The following PPARGC1A variants were observed in gnomAD, a reference collection of about 807,000 sequenced individuals.
PPARGC1A encodes the protein PPARG coactivator 1 alpha.
In PPARGC1A, 25 loss-of-function variants were observed where a neutral mutation model predicts 88.7. The observed-to-expected ratio is 0.28, with a 90% CI of 0.21 to 0.39. PPARGC1A has a LOEUF of 0.39. Ranked by LOEUF, PPARGC1A falls within the 10% of genes least tolerant of loss-of-function variation. The pLI is 1.00. For synonymous variants in PPARGC1A, 363 were observed against 355.6 expected (o/e 1.02, Z -0.24); for missense variants, 880 against 968.7 (o/e 0.91, Z 1.22).
At chr4:23,913,261 TATATATAGAGAGAG>T in the PPARGC1A span, among the ~76,000 whole-genome samples, 389 of 54,570 alleles carry the variant, frequency 7.1e-3, 2 homozygotes, top group African/African-American at 0.018. Flanking sequence ...TATATATATA[TATATATAGAGAGAG>T]AGAGAGAGAG....
chr4:24,186,902 C>T, the PPARGC1A span, among the ~76,000 whole-genome samples: 7 of 152,308 alleles, frequency 4.6e-5, no homozygotes, highest in South Asian at 4.1e-4. Context: ...TGCTTCTGCA[C>T]GTGCAGTCAG....
the PPARGC1A span, among the ~76,000 whole-genome samples, chr4:24,085,625 T>G: frequency 3.9e-5 from 6 of 152,206 alleles, no homozygotes; most frequent in Non-Finnish European, 7.3e-5. Context: ...TCTAATAATC[T>G]TGGGAGACCT....
At chr4:24,090,445 T>C in the PPARGC1A span, among the ~76,000 whole-genome samples, 1 of 152,232 alleles carries the variant, frequency 6.6e-6, no homozygotes, top group Non-Finnish European at 1.5e-5. Flanking sequence ...AAAATTTCTG[T>C]TGAAGAAGAA....
the PPARGC1A span, among the ~76,000 whole-genome samples, chr4:24,428,124 C>CA: frequency 0.35 from 47,501 of 136,654 alleles, 7,948 homozygotes; most frequent in African/African-American, 0.43. Context: ...ACCCTGTCTC[C>CA]AAAAAAAAAA....
At chr4:23,935,473 TGA>T in the PPARGC1A span, among the ~76,000 whole-genome samples, 1 of 152,332 alleles carries the variant, frequency 6.6e-6, no homozygotes, top group Admixed American at 6.5e-5. Context: ...ATCATCATAA[TGA>T]TAATGTTAGT....
intron 2 of PPARGC1A, among the ~76,000 whole-genome samples, chr4:23,869,406 G>A (rs896293732): frequency 1.3e-5 from 2 of 152,090 alleles, no homozygotes; most frequent in African/African-American, 2.4e-5. Context: ...GTTGTGGCCC[G>A]ACCAAGGCTC....
chr4:24,054,265 G>GTC, the PPARGC1A span, among the ~76,000 whole-genome samples: 2 of 149,564 alleles, frequency 1.3e-5, no homozygotes, highest in East Asian at 4.0e-4. Flanking sequence ...GAGAGGTGGT[G>GTC]TCTGGGAGGA....
At chr4:23,999,762 G>T in the PPARGC1A span, among the ~76,000 whole-genome samples, 1 of 152,100 alleles carries the variant, frequency 6.6e-6, no homozygotes, top group Non-Finnish European at 1.5e-5. Context: ...CTCCTTGCAC[G>T]GGAAAGAAAA....
chr4:24,167,631 C>A, the PPARGC1A span, among the ~76,000 whole-genome samples: 1 of 152,202 alleles, frequency 6.6e-6, no homozygotes, highest in Non-Finnish European at 1.5e-5. Flanking sequence ...TCAGCAACCA[C>A]CCTGATCAGT....
At chr4:24,421,272 A>T in the PPARGC1A span, among the ~76,000 whole-genome samples, 3 of 150,716 alleles carry the variant, frequency 2.0e-5, no homozygotes, top group African/African-American at 2.4e-5. Flanking sequence ...TCAAAACATT[A>T]TTTATTGTTT....
the PPARGC1A span, among the ~76,000 whole-genome samples, chr4:24,162,168 G>A: frequency 6.6e-6 from 1 of 152,118 alleles, no homozygotes; most frequent in African/African-American, 2.4e-5. Flanking sequence ...AAGCTATGAG[G>A]ATGCAAAGGC....
At chr4:24,415,045 C>T in the PPARGC1A span, among the ~76,000 whole-genome samples, 1 of 152,216 alleles carries the variant, frequency 6.6e-6, no homozygotes, top group Admixed American at 6.5e-5. Flanking sequence ...GAAAAATTAG[C>T]TGAGTGCAGT....
At chr4:24,062,688 A>C in the PPARGC1A span, among the ~76,000 whole-genome samples, 1 of 152,224 alleles carries the variant, frequency 6.6e-6, no homozygotes, top group African/African-American at 2.4e-5. Flanking sequence ...AATGAGGAAT[A>C]GGTGGGTGAA....
chr4:23,913,144 T>C, the PPARGC1A span, among the ~76,000 whole-genome samples: 1 of 140,040 alleles, frequency 7.1e-6, no homozygotes, highest in South Asian at 2.2e-4. Context: ...CACACACACA[T>C]ACACTCTCTC....
the PPARGC1A span, among the ~76,000 whole-genome samples, chr4:24,026,211 A>C: frequency 6.6e-6 from 1 of 152,206 alleles, no homozygotes; most frequent in African/African-American, 2.4e-5. Context: ...TATGGTGTCC[A>C]GTTGGCCCCA....
intron 7 of PPARGC1A, among the ~76,000 whole-genome samples, chr4:23,816,197 T>C (rs1721957319): frequency 6.6e-6 from 1 of 152,092 alleles, no homozygotes; most frequent in Non-Finnish European, 1.5e-5. Flanking sequence ...AAACACAAAG[T>C]GAATGGGACA....
At chr4:23,955,897 G>A in the PPARGC1A span, among the ~76,000 whole-genome samples, 1 of 152,090 alleles carries the variant, frequency 6.6e-6, no homozygotes, top group Non-Finnish European at 1.5e-5. Flanking sequence ...CTCTAGACCT[G>A]AAGTCAGGAA....
At chr4:23,890,237 G>T (rs1032752695), upstream of PPARGC1A, 124 of 444,430 alleles carry the variant, frequency 2.8e-4, no homozygotes, top group Non-Finnish European at 4.1e-4. Flanking sequence ...AAAAAAGAAA[G>T]AAAAAGAAAA....
chr4:24,000,229 T>G, the PPARGC1A span, among the ~76,000 whole-genome samples: 1 of 152,150 alleles, frequency 6.6e-6, no homozygotes, highest in Admixed American at 6.5e-5. Flanking sequence ...ATCCTAGGTA[T>G]CACTTGATAA....
Sources: allele counts gnomAD v4.1 joint callset (sites outside exome capture counted in the v4.1 genomes callset), GRCh38; gene constraint gnomAD v4.1.1; transcripts MANE v1.5; gene names NCBI Gene and HGNC (gene_info 2026-07-23, HGNC 2026-07-21).